The following ARHGAP6 variants were observed in gnomAD, a reference collection of about 807,000 sequenced individuals.
The protein encoded by ARHGAP6 is Rho GTPase activating protein 6, also known as rho GTPase-activating protein 6.
In ARHGAP6, 16 loss-of-function variants were observed where a neutral mutation model predicts 55.7. The ratio of observed to expected loss-of-function variants is 0.29; its 90% CI spans 0.19 to 0.44. The LOEUF is 0.44. ARHGAP6 is among the 20% of genes least tolerant of loss of function. ARHGAP6 has a pLI of 1.00. For missense variants in ARHGAP6, 698 were observed against 808.9 expected (o/e 0.86, Z 1.66); for synonymous variants, 382 against 360.9 (o/e 1.06, Z -0.66).
intron 1 of ARHGAP6, among the ~76,000 whole-genome samples, chrX:11,382,549 T>G (rs186578438): frequency 8.9e-6 from 1 of 111,853 alleles, no homozygotes; most frequent in African/African-American, 3.2e-5. Flanking sequence ...AATTTTTTCT[T>G]ATTACAATCC....
chrX:11,610,523 G>A (rs946145547), intron 1 of ARHGAP6, among the ~76,000 whole-genome samples: 3 of 111,818 alleles, frequency 2.7e-5, no homozygotes, highest in Non-Finnish European at 3.8e-5. Context: ...GTCATATGGA[G>A]GAAGTGCCCA....
chrX:11,488,796 A>C lies in ARHGAP6; in HGVS notation c.588+175445T>G, dbSNP rs750845097. ...GTGCCTGATGATCTGAGGTGGAACA[A>C]CACTTCCATCCTGAAACCATCCCCC... On this transcript the variant is annotated intron_variant, in intron 1 of 12. Coordinates refer to ENST00000337414, the MANE Select transcript of ARHGAP6 (RefSeq NM_013427.3). Among the ~76,000 whole-genome samples, 4 of 111,645 alleles carry C rather than the reference A, an allele frequency of 3.6e-5. No homozygotes were observed. The East Asian group carries it at 1.1e-3, about 32-fold the overall frequency.
At chrX:11,550,024 G>A (rs2051250547) in intron 1 of ARHGAP6, among the ~76,000 whole-genome samples, 1 of 112,105 alleles carries the variant, frequency 8.9e-6, no homozygotes, top group Admixed American at 9.4e-5. Context: ...AGGGCACTTA[G>A]AAAATGTTGG....
chrX:11,139,068 G>A lies in ARHGAP6; in HGVS notation c.2720C>T (p.Pro907Leu). The A allele has an allele frequency of 8.3e-7, 1 of 1,205,182 alleles. No homozygotes were observed. Among genetic ancestry groups the A allele is most frequent in the Non-Finnish European group, 1.1e-6 (1 of 892,529 alleles). Residue 907 changes from proline to leucine, a missense_variant, in exon 13 of 13, where the codon CCC (proline) becomes CTC (leucine). Around this residue, in one of 3 missense-constraint regions of ARHGAP6, gnomAD observed 212 missense variants for 208.7 expected, o/e 1.02. Coordinates refer to ENST00000337414, the MANE Select transcript of ARHGAP6 (RefSeq NM_013427.3). ...IQGPPEGVETPTDQGGQAAER... is the reference protein window; with the variant it reads ...IQGPPEGVETLTDQGGQAAER... ...GGCTGCTTGGCCTCCCTGGTCCGTG[G>A]GTGTCTCCACGCCTTCCGGGGGCCC...
At chrX:11,379,947 A>G (rs188876969) in intron 1 of ARHGAP6, among the ~76,000 whole-genome samples, 4 of 111,529 alleles carry the variant, frequency 3.6e-5, no homozygotes, top group Non-Finnish European at 7.5e-5. Flanking sequence ...TATCCTTTAC[A>G]ATACATCCTT....
intron 1 of ARHGAP6, among the ~76,000 whole-genome samples, chrX:11,532,634 G>A (rs2051062595): frequency 8.9e-6 from 1 of 112,093 alleles, no homozygotes; most frequent in Admixed American, 9.4e-5. Flanking sequence ...CATTTTTATG[G>A]TTGAAGAAAA....
intron 1 of ARHGAP6, among the ~76,000 whole-genome samples, chrX:11,259,393 G>C (rs920321624): frequency 9.0e-6 from 1 of 110,927 alleles, no homozygotes; most frequent in African/African-American, 3.3e-5. Context: ...TTTTTTTCCT[G>C]AAGTTCCCTA....
At chrX:11,426,788 C>T (rs1373359188) in intron 1 of ARHGAP6, among the ~76,000 whole-genome samples, 1 of 108,731 alleles carries the variant, frequency 9.2e-6, no homozygotes, top group African/African-American at 3.4e-5. Context: ...TTTGGTCGGT[C>T]GTTAACCTTA....
intron 1 of ARHGAP6, among the ~76,000 whole-genome samples, chrX:11,608,768 T>C (rs750497649): frequency 1.1e-4 from 12 of 111,962 alleles, no homozygotes; most frequent in African/African-American, 3.9e-4. Context: ...GTTCCGCTTT[T>C]GCATCTTCCT....
chrX:11,388,474 A>G (rs1276302085), intron 1 of ARHGAP6, among the ~76,000 whole-genome samples: 23 of 111,602 alleles, frequency 2.1e-4, no homozygotes, highest in African/African-American at 7.2e-4. Flanking sequence ...AGATGAGTAG[A>G]TTGCAAAAAT....
At chrX:11,596,508 A>G (rs941045781) in intron 1 of ARHGAP6, among the ~76,000 whole-genome samples, 10 of 111,265 alleles carry the variant, frequency 9.0e-5, no homozygotes, top group Non-Finnish European at 1.9e-5. Context: ...ACCACCATGG[A>G]ACGTGTATAC....
intron 1 of ARHGAP6, among the ~76,000 whole-genome samples, chrX:11,435,447 TAGTC>T (rs1010230636): frequency 7.1e-5 from 8 of 112,214 alleles, no homozygotes; most frequent in African/African-American, 2.6e-4. Flanking sequence ...AGGAAATGGC[TAGTC>T]AGTGTTTTTG....
intron 1 of ARHGAP6, among the ~76,000 whole-genome samples, chrX:11,416,477 G>C (rs768575420): frequency 2.0e-4 from 22 of 111,180 alleles, no homozygotes; most frequent in Non-Finnish European, 3.4e-4. Flanking sequence ...TTTTAAAATA[G>C]TGAGCACCAA....
At chrX:11,232,611 C>T (rs1350851117) in intron 2 of ARHGAP6, among the ~76,000 whole-genome samples, 3 of 110,677 alleles carry the variant, frequency 2.7e-5, no homozygotes, top group East Asian at 2.8e-4. Context: ...CCAGCCTGGG[C>T]GACAGAGGGA....
At chrX:11,444,621 T>G (rs369156966) in intron 1 of ARHGAP6, among the ~76,000 whole-genome samples, 2 of 112,313 alleles carry the variant, frequency 1.8e-5, no homozygotes, top group African/African-American at 6.5e-5. Context: ...CTTGTGAGCA[T>G]GAGACAACCT....
chrX:11,241,341 A>G (rs1290510557), intron 2 of ARHGAP6, among the ~76,000 whole-genome samples: 1 of 110,995 alleles, frequency 9.0e-6, no homozygotes, highest in Non-Finnish European at 1.9e-5. Context: ...ACCCTTTACC[A>G]ACTAAGCATT....
chrX:11,166,619 T>A (rs1299754645), intron 9 of ARHGAP6, among the ~76,000 whole-genome samples: 1 of 112,013 alleles, frequency 8.9e-6, no homozygotes, highest in Non-Finnish European at 1.9e-5. Context: ...AGCCGACTAG[T>A]TTCTCAACTG....
At chrX:11,511,605 G>A (rs1199075705) in intron 1 of ARHGAP6, among the ~76,000 whole-genome samples, 1 of 111,942 alleles carries the variant, frequency 8.9e-6, no homozygotes, top group Non-Finnish European at 1.9e-5. Context: ...TAGAGACCTG[G>A]CCTCTATGCC....
chrX:11,511,215 C>G (rs1385186042), intron 1 of ARHGAP6, among the ~76,000 whole-genome samples: 1 of 111,876 alleles, frequency 8.9e-6, no homozygotes, highest in African/African-American at 3.3e-5. Context: ...TATCATATTG[C>G]CAGGGATTCT....
Sources: gnomAD v4.1 joint callset for allele counts (sites outside exome capture counted in the v4.1 genomes callset) on GRCh38, gnomAD v4.1.1 for gene constraint, gnomAD v4.1.1 regional missense constraint, MANE v1.5 for transcripts, NCBI Gene and HGNC (gene_info 2026-07-23, HGNC 2026-07-21) for gene names.